CCDC73: variants seen among roughly 807,000 people sequenced by gnomAD.
The protein encoded by CCDC73 is coiled-coil domain containing 73, also known as coiled-coil domain-containing protein 73.
CCDC73 carries 95 observed loss-of-function variants against 116.5 expected under a neutral mutation model. The observed-to-expected ratio is 0.82, with a 90% CI of 0.69 to 0.97. The LOEUF (loss-of-function observed/expected upper bound fraction) is 0.97, where lower values mean the gene tolerates loss of function less well. Ranked by LOEUF, CCDC73 falls within the 50% of genes least tolerant of loss-of-function variation. CCDC73 has a pLI of 0.00. For synonymous variants in CCDC73, 398 were observed against 401.3 expected, an observed-to-expected ratio of 0.99 and a Z score of 0.10; for missense variants, 1,066 against 1,206.8, an observed-to-expected ratio of 0.88 and a Z score of 1.73.
intron 3 of CCDC73, among the ~76,000 whole-genome samples, chr11:32,705,122 C>CA (rs1849844833): frequency 1.3e-5 from 2 of 152,318 alleles, no homozygotes; most frequent in South Asian, 4.1e-4. Flanking sequence ...CCGCACCATT[C>CA]AACGGGAAAC....
chr11:32,691,047 C>CT (rs145108336), intron 6 of CCDC73, among the ~76,000 whole-genome samples: 259 of 141,870 alleles, frequency 1.8e-3, no homozygotes, highest in East Asian at 2.8e-3. Context: ...CTGGCAACCA[C>CT]TTTTTTTTTT....
chr11:32,808,351 C>A, the CCDC73 span, among the ~76,000 whole-genome samples: 3 of 152,032 alleles, frequency 2.0e-5, no homozygotes, highest in African/African-American at 7.2e-5. Context: ...CAAGACAGGC[C>A]ATGTGGGCTG....
chr11:32,750,855 C>T (rs1247539364), intron 2 of CCDC73, among the ~76,000 whole-genome samples: 1 of 152,088 alleles, frequency 6.6e-6, no homozygotes, highest in Non-Finnish European at 1.5e-5. Context: ...CTTTATTCTT[C>T]CCCCTCCTTT....
At chr11:32,790,780 G>A (rs1176406284) in intron 1 of CCDC73, among the ~76,000 whole-genome samples, 2 of 151,996 alleles carry the variant, frequency 1.3e-5, no homozygotes, top group Non-Finnish European at 2.9e-5. Context: ...TCTCCGTAAA[G>A]ATCATTATGA....
the CCDC73 span, among the ~76,000 whole-genome samples, chr11:32,829,250 C>T: frequency 2.0e-4 from 30 of 152,254 alleles, no homozygotes; most frequent in Non-Finnish European, 3.2e-4. Flanking sequence ...AATACAAGCA[C>T]GCTCACTCAG....
At chr11:32,684,905 CG>C (rs1319486220) in intron 6 of CCDC73, among the ~76,000 whole-genome samples, 1 of 151,888 alleles carries the variant, frequency 6.6e-6, no homozygotes, top group African/African-American at 2.4e-5. Context: ...TGCTTGAGCC[CG>C]GGGGGTGGAG....
chr11:32,758,509 G>A, intron 2 of CCDC73: 1 of 460,814 alleles, frequency 2.2e-6, no homozygotes, highest in Non-Finnish European at 4.3e-6. Flanking sequence ...GTGGTTCCAT[G>A]TATGCTAATT....
the CCDC73 span, chr11:32,830,496 T>G: frequency 6.8e-7 from 1 of 1,476,268 alleles, no homozygotes; most frequent in African/African-American, 1.5e-5. Context: ...TATTTTTTTT[T>G]GTTTGTTTTA....
At chr11:32,616,559 A>C (rs140921768) in intron 14 of CCDC73, among the ~76,000 whole-genome samples, 6 of 152,186 alleles carry the variant, frequency 3.9e-5, no homozygotes, top group South Asian at 2.1e-4. Context: ...AGTGCACGAC[A>C]AGCCTCAAAA....
chr11:32,745,719 GTTTT>G (rs1156932040), intron 2 of CCDC73, among the ~76,000 whole-genome samples: 4 of 95,734 alleles, frequency 4.2e-5, no homozygotes, highest in Non-Finnish European at 6.5e-5. Flanking sequence ...CCTGGTTTTT[GTTTT>G]TTTGTTTGTT....
chr11:32,723,277 C>T (rs967431968), intron 2 of CCDC73, among the ~76,000 whole-genome samples: 2 of 151,996 alleles, frequency 1.3e-5, no homozygotes, highest in Non-Finnish European at 2.9e-5. Flanking sequence ...TTTTCTATAT[C>T]AGAAATCTTT....
At position 32,673,707 on chromosome 11, in the gene CCDC73, T is replaced by G. The variant is rs1856059664; in HGVS notation, c.645+1858A>C. ...TCACTAATGTTTTACCCTAAACAAG[T>G]GTATGTCAGAATCCCAACGGAAACA... On this transcript the variant is annotated intron_variant, in intron 9 of 17. Coordinates refer to ENST00000335185, the MANE Select transcript of CCDC73 (RefSeq NM_001008391.4). Among the ~76,000 whole-genome samples, 5 of 152,254 alleles carry G rather than the reference T, an allele frequency of 3.3e-5. No individual in the cohort carries two copies. The South Asian group carries it at 1.0e-3, about 32-fold the overall frequency.
intron 2 of CCDC73, among the ~76,000 whole-genome samples, chr11:32,757,761 T>C (rs1850356547): frequency 6.6e-6 from 1 of 152,160 alleles, no homozygotes; most frequent in South Asian, 2.1e-4. Flanking sequence ...CACTATCACA[T>C]CTCTTTCTCA....
At chr11:32,672,263 A>T (rs1271105775) in intron 9 of CCDC73, among the ~76,000 whole-genome samples, 1 of 152,042 alleles carries the variant, frequency 6.6e-6, no homozygotes, top group African/African-American at 2.4e-5. Flanking sequence ...AATGGCTTGA[A>T]CCCAGGAGGC....
chr11:32,819,132 G>C, the CCDC73 span, among the ~76,000 whole-genome samples: 1 of 150,230 alleles, frequency 6.7e-6, no homozygotes, highest in Admixed American at 6.6e-5. Flanking sequence ...ATGTCCCCCA[G>C]AGCACTTAAG....
chr11:32,610,683 C>T (rs1243610100), intron 17 of CCDC73, among the ~76,000 whole-genome samples: 1 of 152,172 alleles, frequency 6.6e-6, no homozygotes, highest in African/African-American at 2.4e-5. Flanking sequence ...CACATGGATA[C>T]TTGATCCTTT....
At chr11:32,767,405 G>C (rs1002207397) in intron 1 of CCDC73, among the ~76,000 whole-genome samples, 1 of 152,134 alleles carries the variant, frequency 6.6e-6, no homozygotes, top group Non-Finnish European at 1.5e-5. Flanking sequence ...CAGGACATAG[G>C]CATGGGCAAG....
chr11:32,658,059 GCTT>G (rs1434910475), intron 9 of CCDC73, among the ~76,000 whole-genome samples: 1 of 141,866 alleles, frequency 7.0e-6, no homozygotes, highest in Non-Finnish European at 1.5e-5. Flanking sequence ...AAACCCCACA[GCTT>G]CTGCCTTAGG....
chr11:32,655,221 CAACT>C (rs1236865545), intron 9 of CCDC73, among the ~76,000 whole-genome samples: 3 of 152,228 alleles, frequency 2.0e-5, no homozygotes, highest in South Asian at 4.2e-4. Context: ...CTAACAAAAT[CAACT>C]AACTAACCAG....
Sources: allele counts gnomAD v4.1 joint callset (sites outside exome capture counted in the v4.1 genomes callset), GRCh38; gene constraint gnomAD v4.1.1; transcripts MANE v1.5; gene names NCBI Gene and HGNC (gene_info 2026-07-23, HGNC 2026-07-21).